Variants in PATL1 observed in about 807,000 individuals in gnomAD.
The protein encoded by PATL1 is PAT1 homolog 1, processing body mRNA decay factor.
Under a neutral mutation model 100.6 loss-of-function variants are expected in PATL1, and 32 were observed. The ratio of observed to expected loss-of-function variants is 0.32; its 90% confidence interval spans 0.24 to 0.43. PATL1 has a LOEUF of 0.43. Among genes scored for constraint, PATL1 ranks in the 20% least tolerant of loss-of-function variants. PATL1 has a pLI of 1.00. For missense variants in PATL1, 747 were observed against 949.9 expected, an observed-to-expected ratio of 0.79 and a Z score of 2.81; for synonymous variants, 332 against 330.0, an observed-to-expected ratio of 1.01 and a Z score of -0.07.
chr11:59,649,544 G>T lies in PATL1; in HGVS notation c.1651C>A (p.Arg551=), dbSNP rs772837778. 36 of 1,613,566 alleles carry T rather than the reference G, an allele frequency of 2.2e-5. 1 individual carries two copies. In the South Asian group the frequency reaches 3.8e-4, roughly 17 times the overall value. ...RRYLLSLEEE[R]PALMDDRKHK... ...TTTCTGTCATCCATTAGGGCAGGTC[G>T]CTCTTCTTCCAGACTTAGGAGATAA... The change falls in exon 14 of 19, where the codon CGA becomes AGA. Residue 551 remains arginine, a synonymous_variant. Transcript: ENST00000300146.
intron 2 of PATL1, among the ~76,000 whole-genome samples, chr11:59,662,627 T>C (rs563368546): frequency 6.6e-6 from 1 of 152,300 alleles, no homozygotes; most frequent in South Asian, 2.1e-4. Flanking sequence ...ACAGGATAAA[T>C]TGTTTTTTGC....
rs1045970464 is a variant in PATL1 at position 59,659,480 on chromosome 11, A to G, written c.128-11T>C. On this transcript the variant is annotated splice_polypyrimidine_tract_variant and intron_variant, in intron 2 of 18. Transcript: ENST00000300146. ...CCTGCCAATCATCATCTATAAGATGACACAGTTCATGTAAGAAATAGTTCA... is the reference window on the plus strand; with the variant it reads ...CCTGCCAATCATCATCTATAAGATGGCACAGTTCATGTAAGAAATAGTTCA... 4.5e-6 allele frequency: 7 copies of G among 1,547,204 alleles called. No individual in the cohort carries two copies. Among genetic ancestry groups the G allele is most frequent in the Non-Finnish European group, 6.1e-6 (7 of 1,146,450 alleles).
intron 12 of PATL1, 120 bp from the exon 13 acceptor site, chr11:59,650,933 T>A: frequency 1.4e-6 from 1 of 718,566 alleles, no homozygotes; most frequent in Non-Finnish European, 2.2e-6. Context: ...TCTCTGAAAG[T>A]TAATAATCTA....
At chr11:59,668,659 A>G (rs1457101117) in intron 1 of PATL1, among the ~76,000 whole-genome samples, 2 of 152,002 alleles carry the variant, frequency 1.3e-5, no homozygotes, top group Non-Finnish European at 2.9e-5. Context: ...ACGGAGGCCA[A>G]CTTTCCCCAG....
chr11:59,639,079 G>C lies in PATL1; in HGVS notation c.2260C>G (p.Gln754Glu). The C allele has an allele frequency of 6.2e-7, 1 of 1,613,868 alleles. No individual in the cohort carries two copies. Among genetic ancestry groups the C allele is most frequent in the East Asian group, 2.2e-5 (1 of 44,878 alleles). Residue 754 changes from glutamine (Q) to glutamate (E), a missense_variant, in exon 18 of 19, where the codon CAG becomes GAG. Transcript: ENST00000300146. ...TTTGTCTCCAGCAAGTTCAGTTTCT[G>C]CCGGTCAACATAGCGAGAAAAGAGG... ...VSLFSRYVDRQKLNLLETKLQ... is the reference protein window; with the variant it reads ...VSLFSRYVDREKLNLLETKLQ...
chr11:59,649,356 A>T, intron 14 of PATL1, 106 bp downstream of exon 14: 1 of 1,128,184 alleles, frequency 8.9e-7, no homozygotes, highest in Non-Finnish European at 1.2e-6. Flanking sequence ...TTCTGAGCTT[A>T]CAGAGATGGT....
In PATL1 at chr11:59,657,743, A is replaced by G; in HGVS notation, c.427-19T>C. On this transcript the variant is annotated intron_variant, in intron 4 of 18. Transcript: ENST00000300146. ...GCATTTCCTAATTGAGGAAGTGGTA[A>G]AATAAAATAGAAATTAACTAACTTG... 1 of 1,522,952 alleles carries G rather than the reference A, an allele frequency of 6.6e-7. No homozygotes were observed. Among genetic ancestry groups the G allele is most frequent in the East Asian group, 2.3e-5 (1 of 43,496 alleles). The allele number at this position is 1,522,952 out of a possible 1,614,324, so 94.3% of individuals were successfully genotyped here. A position where few individuals can be genotyped will look rare whatever the true frequency, so the allele number is the denominator to read the frequency against.
chr11:59,648,585 AAAC>A (rs1282578418), intron 14 of PATL1, among the ~76,000 whole-genome samples: 5 of 152,102 alleles, frequency 3.3e-5, no homozygotes, highest in South Asian at 4.1e-4. Flanking sequence ...TTACCATTTT[AAAC>A]AACATTTTGC....
At chr11:59,643,128 A>G in intron 15 of PATL1, 93 bp from the exon 16 acceptor site, 1 of 1,334,098 alleles carries the variant, frequency 7.5e-7, no homozygotes, top group Non-Finnish European at 1.0e-6. Context: ...TCATTTGTAT[A>G]TTCAACCACT....
intron 11 of PATL1, 143 bp from the exon 12 acceptor site, chr11:59,651,784 G>A: frequency 1.6e-6 from 1 of 635,264 alleles, no homozygotes. Flanking sequence ...TATCATTTAG[G>A]CCGGGTGTGG....
In PATL1 at chr11:59,655,992, G is replaced by A. The variant is rs1427760259; in HGVS notation, c.777C>T (p.Ser259=). The part of the protein sequence containing the change: ...PFPPSVPPVL[S]PLQRAQLLGG... ...CAAGAAGCTGTGCTCTCTGGAGGGG[G>A]CTGAGAACAGGAGGAACACTAGGAG... The change falls in exon 7 of 19, where the codon AGC becomes AGT. Residue 259 remains serine, a synonymous_variant. Transcript: ENST00000300146. The A allele has an allele frequency of 4.4e-6, 7 of 1,598,890 alleles. No homozygotes were observed. The highest frequency in any genetic ancestry group is 5.1e-6 in the Non-Finnish European group (6 of 1,174,342).
At chr11:59,651,461 T>C in intron 12 of PATL1, 83 bp downstream of exon 12, 1 of 1,087,436 alleles carries the variant, frequency 9.2e-7, no homozygotes, top group Non-Finnish European at 1.4e-6. Context: ...AACTCTACCA[T>C]GCCTGATCTC....
chr11:59,650,288 A>G (rs936196448), intron 13 of PATL1, among the ~76,000 whole-genome samples: 2 of 152,250 alleles, frequency 1.3e-5, no homozygotes, highest in African/African-American at 4.8e-5. Context: ...TTGGTTCTAG[A>G]GTCCATACTT....
chr11:59,642,016 T>C (rs991314610), intron 16 of PATL1, among the ~76,000 whole-genome samples: 17 of 152,156 alleles, frequency 1.1e-4, no homozygotes, highest in African/African-American at 4.1e-4. Context: ...GTAACTACTA[T>C]GTACCAGGCA....
In PATL1 at chr11:59,639,366, G is replaced by A. The variant is rs1336104872; in HGVS notation, c.2067C>T (p.Leu689=). 1 of 1,550,068 alleles carries A rather than the reference G, an allele frequency of 6.5e-7. No individual in the cohort carries two copies. The highest frequency in any genetic ancestry group is 8.7e-7 in the Non-Finnish European group (1 of 1,146,994). The change falls in exon 17 of 19, where the codon CTC becomes CTT. Residue 689 remains leucine, a synonymous_variant. Transcript: ENST00000300146. ...CTTCACCACGGCTCAGGAGGATGAGGAGCAGTGACAGGCCAAACTACGAGA... is the reference window on the plus strand; with the variant it reads ...CTTCACCACGGCTCAGGAGGATGAGAAGCAGTGACAGGCCAAACTACGAGA... ...VLQNKFGLSL[L]LILLSRGEDL...
chr11:59,658,481 C>A (rs1354522172), intron 4 of PATL1, among the ~76,000 whole-genome samples: 1 of 152,126 alleles, frequency 6.6e-6, no homozygotes. Context: ...CACCACCACG[C>A]CTGGTTAATT....
chr11:59,655,664 T>C lies in PATL1; in HGVS notation c.890A>G (p.Asn297Ser). Residue 297 changes from asparagine (N) to serine (S), a missense_variant, in exon 8 of 19, where the codon AAT becomes AGT. Asn to Ser is a conservative substitution (Grantham distance 46). Around this residue, in one of 4 missense-constraint regions of PATL1, gnomAD observed 434 missense variants for 596.1 expected, o/e 0.73. Transcript: ENST00000300146. The part of the protein sequence containing the change: ...GFVGSPLAAM[N>S]PKLLQGRVGQ... ...AACTCGCCCTTGTAGCAACTTGGGA[T>C]TCATGGCAGCAAGTGGACTACCAAC... 6.2e-7 allele frequency: 1 copy of C among 1,604,786 alleles called. No individual in the cohort carries two copies.
At chr11:59,655,763 A>C (rs1328367873) in intron 7 of PATL1, 23 bp from the exon 8 acceptor site, 1 of 1,551,426 alleles carries the variant, frequency 6.4e-7, no homozygotes, top group Non-Finnish European at 8.8e-7. Flanking sequence ...AGAAGATCTT[A>C]GATTTAGACA....
intron 16 of PATL1, among the ~76,000 whole-genome samples, chr11:59,642,507 T>G (rs974784135): frequency 6.6e-6 from 1 of 152,200 alleles, no homozygotes. Flanking sequence ...CTGGTCCACA[T>G]CTTTTTGCCC....
Sources: allele counts gnomAD v4.1 joint callset (sites outside exome capture counted in the v4.1 genomes callset), GRCh38; gene constraint gnomAD v4.1.1; regional missense constraint gnomAD v4.1.1; transcripts MANE v1.5; gene names NCBI Gene and HGNC (gene_info 2026-07-23, HGNC 2026-07-21).